Variants in DSE observed in about 807,000 individuals in gnomAD.
The protein encoded by DSE is dermatan-sulfate epimerase.
In DSE, 36 loss-of-function variants were observed where a neutral mutation model predicts 84.4. That is an observed-to-expected ratio of 0.43 (90% CI 0.33 to 0.56). The LOEUF (loss-of-function observed/expected upper bound fraction) is 0.56, where lower values mean the gene tolerates loss of function less well. Among genes scored for constraint, DSE ranks in the 20% least tolerant of loss-of-function variants. The pLI, the probability that DSE is intolerant of heterozygous loss-of-function variation, is 0.06. For missense variants in DSE, 862 were observed against 1,169.6 expected (o/e 0.74, Z 3.84); for synonymous variants, 410 against 430.1 (o/e 0.95, Z 0.58).
intron 2 of DSE, chr6:116,279,802 G>T (rs994688753): frequency 6.2e-7 from 1 of 1,612,880 alleles, no homozygotes; most frequent in Non-Finnish European, 8.5e-7. Context: ...GAGGGGAGTG[G>T]TCCTCTTGAC....
intron 2 of DSE, among the ~76,000 whole-genome samples, chr6:116,322,049 A>G (rs1381676213): frequency 3.9e-5 from 6 of 152,158 alleles, no homozygotes; most frequent in African/African-American, 9.7e-5. Flanking sequence ...CAAGTGAGCA[A>G]TTCCTGTCCC....
chr6:116,430,270 A>G (rs1489849659), intron 3 of DSE, among the ~76,000 whole-genome samples: 1 of 152,264 alleles, frequency 6.6e-6, no homozygotes, highest in Non-Finnish European at 1.5e-5. Context: ...TAATGACAAT[A>G]CAAATTGAAG....
At chr6:116,258,477 G>A (rs1225088197) in exon 2 of DSE, 4 of 1,004,150 alleles carry the variant, frequency 4.0e-6, no homozygotes, top group Non-Finnish European at 4.8e-6. Context: ...GGTTTATTGG[G>A]CAACAGCTGG....
intron 1 of DSE, among the ~76,000 whole-genome samples, chr6:116,384,981 A>T (rs1780490047): frequency 6.6e-6 from 1 of 152,218 alleles, no homozygotes; most frequent in Admixed American, 6.5e-5. Flanking sequence ...TAAATAAGGT[A>T]GTCATTGCAG....
At chr6:116,278,591 C>G (rs778304109) in intron 2 of DSE, 1 of 1,614,188 alleles carries the variant, frequency 6.2e-7, no homozygotes, top group Admixed American at 1.7e-5. Flanking sequence ...GCTCTACGGA[C>G]TCCTTCACGC....
At chr6:116,340,222 TCTC>T (rs1777507248) in intron 2 of DSE, among the ~76,000 whole-genome samples, 1 of 152,130 alleles carries the variant, frequency 6.6e-6, no homozygotes, top group African/African-American at 2.4e-5. Flanking sequence ...TATTTTTCTG[TCTC>T]CTTCTCTCTC....
intron 2 of DSE, among the ~76,000 whole-genome samples, chr6:116,417,608 A>G (rs1782798864): frequency 6.6e-6 from 1 of 152,172 alleles, no homozygotes; most frequent in Non-Finnish European, 1.5e-5. Context: ...GTGGTAATGT[A>G]CTGCTATATT....
chr6:116,269,409 A>G (rs1772783461), intron 2 of DSE, among the ~76,000 whole-genome samples: 1 of 152,236 alleles, frequency 6.6e-6, no homozygotes, highest in African/African-American at 2.4e-5. Flanking sequence ...TGTAGGCAGT[A>G]TAAAATCAAT....
intron 1 of DSE, among the ~76,000 whole-genome samples, chr6:116,371,585 C>T (rs1394582807): frequency 6.6e-6 from 1 of 152,052 alleles, no homozygotes; most frequent in Non-Finnish European, 1.5e-5. Flanking sequence ...GAGGTGGCGG[C>T]GGCTTGTGTG....
chr6:116,425,012 G>A (rs1412619966), intron 2 of DSE, among the ~76,000 whole-genome samples: 1 of 152,084 alleles, frequency 6.6e-6, no homozygotes, highest in Non-Finnish European at 1.5e-5. Flanking sequence ...GGTATTGGGA[G>A]GATCTGTAAC....
At chr6:116,293,405 G>T (rs759737979) in intron 2 of DSE, among the ~76,000 whole-genome samples, 1 of 151,570 alleles carries the variant, frequency 6.6e-6, no homozygotes, top group African/African-American at 2.4e-5. Context: ...CCAAGTAATT[G>T]GGACTACAGG....
At chr6:116,322,357 A>G (rs949428723) in intron 2 of DSE, among the ~76,000 whole-genome samples, 9 of 152,104 alleles carry the variant, frequency 5.9e-5, no homozygotes, top group Non-Finnish European at 1.3e-4. Flanking sequence ...GAAATTGGGC[A>G]TAAGACAATA....
At chr6:116,402,489 A>G (rs1299089925) in intron 2 of DSE, among the ~76,000 whole-genome samples, 1 of 152,188 alleles carries the variant, frequency 6.6e-6, no homozygotes, top group Non-Finnish European at 1.5e-5. Context: ...ATTAAGTGCA[A>G]TAATCAATGT....
intron 2 of DSE, among the ~76,000 whole-genome samples, chr6:116,420,269 C>T (rs1782984283): frequency 6.6e-6 from 1 of 152,140 alleles, no homozygotes; most frequent in Non-Finnish European, 1.5e-5. Flanking sequence ...ATGGGACCCT[C>T]CTCAAAATTT....
At chr6:116,395,326 G>A (rs1183923470) in intron 1 of DSE, among the ~76,000 whole-genome samples, 1 of 152,184 alleles carries the variant, frequency 6.6e-6, no homozygotes, top group Non-Finnish European at 1.5e-5. Context: ...TGGGGAGGCT[G>A]AGGCAGGAGA....
At chr6:116,361,889 C>T (rs1024227483) in intron 2 of DSE, among the ~76,000 whole-genome samples, 1 of 152,138 alleles carries the variant, frequency 6.6e-6, no homozygotes, top group African/African-American at 2.4e-5. Flanking sequence ...TCACAACAAA[C>T]GTGAGTCGTA....
At chr6:116,259,056 A>G (rs1001620417) in intron 2 of DSE, 17 of 1,551,762 alleles carry the variant, frequency 1.1e-5, no homozygotes, top group African/African-American at 5.4e-5. Flanking sequence ...TCCACTTCCC[A>G]AAGAGCTTGA....
chr6:116,345,500 A>G (rs1777899231), intron 2 of DSE, among the ~76,000 whole-genome samples: 1 of 152,234 alleles, frequency 6.6e-6, no homozygotes, highest in African/African-American at 2.4e-5. Flanking sequence ...AAACTGAATA[A>G]CCTGCTCCTG....
chr6:116,274,571 ACT>A (rs893673558), intron 2 of DSE, among the ~76,000 whole-genome samples: 4 of 151,052 alleles, frequency 2.6e-5, no homozygotes, highest in African/African-American at 4.9e-5. Context: ...CAAGAGCAAA[ACT>A]CTGTCTCAAA....
Sources: gnomAD v4.1 joint callset for allele counts (sites outside exome capture counted in the v4.1 genomes callset) on GRCh38, gnomAD v4.1.1 for gene constraint, MANE v1.5 for transcripts, NCBI Gene and HGNC (gene_info 2026-07-23, HGNC 2026-07-21) for gene names.